Variants in FAF2 observed in about 807,000 individuals in gnomAD.
The protein encoded by FAF2 is Fas associated factor family member 2.
Under a neutral mutation model 62.3 loss-of-function variants are expected in FAF2, and 9 were observed. That is an observed-to-expected ratio of 0.14 (90% CI 0.09 to 0.25). The LOEUF (loss-of-function observed/expected upper bound fraction) is 0.25. Among genes scored for constraint, FAF2 ranks in the 10% least tolerant of loss-of-function variants. The probability of loss-of-function intolerance (pLI) is 1.00; values close to 1 mark genes in which losing one functional copy is unlikely to be tolerated. For missense variants in FAF2, 368 were observed against 556.2 expected (o/e 0.66, Z 3.40); for synonymous variants, 202 against 198.0 (o/e 1.02, Z -0.17).
intron 1 of FAF2, among the ~76,000 whole-genome samples, chr5:176,462,422 G>A (rs1014031294): frequency 6.6e-6 from 1 of 151,704 alleles, no homozygotes; most frequent in African/African-American, 2.4e-5. Context: ...TCAAGAGATC[G>A]AGACCATCCT....
At chr5:176,495,514 T>A (rs1759044465) in intron 7 of FAF2, among the ~76,000 whole-genome samples, 1 of 123,898 alleles carries the variant, frequency 8.1e-6, no homozygotes, top group African/African-American at 2.7e-5. Context: ...ACACCAATTT[T>A]TTTTTTTTTT....
At chr5:176,502,971 C>G (rs1321642822) in intron 10 of FAF2, among the ~76,000 whole-genome samples, 1 of 151,754 alleles carries the variant, frequency 6.6e-6, no homozygotes, top group East Asian at 1.9e-4. Flanking sequence ...TTGCTTGAAC[C>G]CGGGAGGCAG....
chr5:176,495,765 G>T (rs1027977181), intron 7 of FAF2, among the ~76,000 whole-genome samples: 1 of 151,226 alleles, frequency 6.6e-6, no homozygotes, highest in African/African-American at 2.4e-5. Context: ...AACCACCTCC[G>T]CCTCCCAAAA....
intron 1 of FAF2, among the ~76,000 whole-genome samples, chr5:176,474,501 C>A (rs989177635): frequency 6.6e-6 from 1 of 152,176 alleles, no homozygotes; most frequent in Non-Finnish European, 1.5e-5. Context: ...CAATTAGATT[C>A]TTTTGTCAAA....
intron 10 of FAF2, among the ~76,000 whole-genome samples, chr5:176,505,519 G>T (rs1464389786): frequency 6.6e-6 from 1 of 152,102 alleles, no homozygotes; most frequent in African/African-American, 2.4e-5. Context: ...GGTTACATGA[G>T]TCAGTTCTTT....
At position 176,508,717 on chromosome 5, in the gene FAF2, C is replaced by T. The variant is rs1279637097; in HGVS notation, c.*1767C>T. Reference sequence around the variant, plus strand: ...TCCCAAGGCCAGATGAGTGGAATCACCATCTGACTGCTGTCAATAAAATGT... The same window carrying T: ...TCCCAAGGCCAGATGAGTGGAATCATCATCTGACTGCTGTCAATAAAATGT... On this transcript the variant is annotated 3_prime_UTR_variant, in exon 11 of 11. Coordinates refer to ENST00000261942, the MANE Select transcript of FAF2 (RefSeq NM_014613.3). 3 of 152,214 alleles carry T rather than the reference C, an allele frequency of 2.0e-5. No homozygotes were observed. The highest frequency in any genetic ancestry group is 1.3e-4 in the Admixed American group (2 of 15,266). The allele number at this position is 152,214 out of a possible 1,614,324, so 9.4% of individuals were successfully genotyped here.
chr5:176,486,334 C>T (rs2113737145), intron 2 of FAF2, 21 bp from the exon 3 acceptor site: 2 of 1,609,684 alleles, frequency 1.2e-6, no homozygotes, highest in Non-Finnish European at 1.7e-6. Flanking sequence ...GAAACTCTTG[C>T]CACTCCGTTT....
chr5:176,471,558 T>G (rs1260133976), intron 1 of FAF2, among the ~76,000 whole-genome samples: 1 of 151,748 alleles, frequency 6.6e-6, no homozygotes. Flanking sequence ...AATTTTTGTA[T>G]TTTTAGTAGA....
intron 1 of FAF2, among the ~76,000 whole-genome samples, chr5:176,456,171 A>C (rs1349610768): frequency 6.6e-6 from 1 of 152,136 alleles, no homozygotes; most frequent in African/African-American, 2.4e-5. Flanking sequence ...TCCTGGGTTC[A>C]AGCAATTCTC....
chr5:176,496,452 G>T, intron 7 of FAF2, 34 bp from the exon 8 acceptor site: 2 of 1,508,864 alleles, frequency 1.3e-6, no homozygotes, highest in African/African-American at 2.8e-5. Flanking sequence ...TCACCGTCAA[G>T]TCCTGCCCTT....
chr5:176,499,837 A>G (rs1207508328), intron 9 of FAF2, among the ~76,000 whole-genome samples, 166 bp from the exon 10 acceptor site: 1 of 152,180 alleles, frequency 6.6e-6, no homozygotes, highest in Non-Finnish European at 1.5e-5. Flanking sequence ...AGAATACATG[A>G]GATGCAATTG....
At chr5:176,458,452 C>A (rs1489941700) in intron 1 of FAF2, among the ~76,000 whole-genome samples, 2 of 124,220 alleles carry the variant, frequency 1.6e-5, no homozygotes, top group Non-Finnish European at 3.2e-5. Context: ...CTCTCTCACC[C>A]ACGCTGGAGT....
chr5:176,492,111 T>G, intron 4 of FAF2, 83 bp from the exon 5 acceptor site: 1 of 1,540,552 alleles, frequency 6.5e-7, no homozygotes, highest in Non-Finnish European at 8.9e-7. Context: ...TCTGGCTCTG[T>G]TACAGGAATC....
At chr5:176,480,167 T>C (rs895848203) in intron 2 of FAF2, among the ~76,000 whole-genome samples, 4 of 152,230 alleles carry the variant, frequency 2.6e-5, no homozygotes, top group Non-Finnish European at 4.4e-5. Flanking sequence ...ATTCTTAGTA[T>C]ATTAATAGTT....
At chr5:176,455,160 C>A (rs1021509508) in intron 1 of FAF2, among the ~76,000 whole-genome samples, 2 of 152,156 alleles carry the variant, frequency 1.3e-5, no homozygotes, top group African/African-American at 4.8e-5. Flanking sequence ...CAACATTGTA[C>A]ACTTACTGCT....
chr5:176,471,098 C>T (rs1758559849), intron 1 of FAF2, among the ~76,000 whole-genome samples: 1 of 152,168 alleles, frequency 6.6e-6, no homozygotes, highest in South Asian at 2.1e-4. Flanking sequence ...TAATCTATCA[C>T]CTGATCCTTT....
chr5:176,451,805 T>C (rs13357121), intron 1 of FAF2, among the ~76,000 whole-genome samples: 1 of 31,934 alleles, frequency 3.1e-5, no homozygotes, highest in Non-Finnish European at 5.5e-5. Context: ...TATACATATA[T>C]ATATACACAC....
chr5:176,480,980 AATGAG>A (rs1190791521), intron 2 of FAF2, among the ~76,000 whole-genome samples: 1 of 152,080 alleles, frequency 6.6e-6, no homozygotes, highest in African/African-American at 2.4e-5. Context: ...ATAAATGACA[AATGAG>A]ATGAGCATAG....
chr5:176,500,946 G>T (rs980771592), intron 10 of FAF2, among the ~76,000 whole-genome samples: 15 of 152,164 alleles, frequency 9.9e-5, no homozygotes, highest in Admixed American at 7.9e-4. Context: ...GGCCAACATG[G>T]TGAAACCTCG....
Sources: gnomAD v4.1 joint callset for allele counts (sites outside exome capture counted in the v4.1 genomes callset) on GRCh38, gnomAD v4.1.1 for gene constraint, MANE v1.5 for transcripts, NCBI Gene and HGNC (gene_info 2026-07-23, HGNC 2026-07-21) for gene names.